The following ZDHHC21 variants were observed in gnomAD, a reference collection of about 807,000 sequenced individuals.
ZDHHC21 encodes the protein palmitoyltransferase ZDHHC21.
Under a neutral mutation model 34.6 loss-of-function variants are expected in ZDHHC21, and 15 were observed. The observed-to-expected ratio is 0.43, with a 90% CI of 0.29 to 0.67. ZDHHC21 has a LOEUF of 0.67. Among genes scored for constraint, ZDHHC21 ranks in the 30% least tolerant of loss-of-function variants. ZDHHC21 has a pLI of 0.14. For synonymous variants in ZDHHC21, 142 were observed against 101.8 expected (o/e 1.40, Z -2.38); for missense variants, 344 against 327.7 (o/e 1.05, Z -0.38).
intron 8 of ZDHHC21, among the ~76,000 whole-genome samples, chr9:14,634,776 A>C (rs1827977646): frequency 6.6e-6 from 1 of 152,232 alleles, no homozygotes; most frequent in African/African-American, 2.4e-5. Context: ...ACATAGGGAC[A>C]CAAGAAACAT....
chr9:14,624,631 C>T (rs1395075775), intron 8 of ZDHHC21, among the ~76,000 whole-genome samples: 1 of 151,932 alleles, frequency 6.6e-6, no homozygotes, highest in East Asian at 1.9e-4. Context: ...CAGTAGTTAG[C>T]AGAGACTGGG....
the ZDHHC21 span, among the ~76,000 whole-genome samples, chr9:14,602,488 T>C: frequency 6.6e-6 from 1 of 151,374 alleles, no homozygotes; most frequent in Non-Finnish European, 1.5e-5. Flanking sequence ...AGTGCAGTGA[T>C]TCCCAAGTAT....
chr9:14,665,897 C>T lies in ZDHHC21; in HGVS notation c.254-3571G>A, dbSNP rs1416397611. ...GGGTACCAGCCGCTGCAAAATCATG[C>T]CAAAATGTAAAGACCATCGAGACTA... is the stretch of plus-strand genomic sequence containing the variant. On this transcript the variant is annotated intron_variant, in intron 5 of 9. Coordinates refer to ENST00000380916, the MANE Select transcript of ZDHHC21 (RefSeq NM_178566.6). Among the ~76,000 whole-genome samples, 5 of 149,414 alleles carry T rather than the reference C, an allele frequency of 3.3e-5. No individual in the cohort carries two copies. In the East Asian group the frequency reaches 9.9e-4, roughly 29 times the overall value.
At chr9:14,596,283 C>G in the ZDHHC21 span, among the ~76,000 whole-genome samples, 2 of 152,206 alleles carry the variant, frequency 1.3e-5, no homozygotes, top group African/African-American at 2.4e-5. Flanking sequence ...TTCACCTCAT[C>G]CTTCAGTAGT....
chr9:14,673,459 G>A (rs1417153381), intron 4 of ZDHHC21, among the ~76,000 whole-genome samples: 1 of 151,340 alleles, frequency 6.6e-6, no homozygotes, highest in Non-Finnish European at 1.5e-5. Context: ...AATAGTAAGG[G>A]AAAACAGATT....
At position 14,612,843 on chromosome 9, in the gene ZDHHC21, T is replaced by TACACACACACACACAC. The variant is rs143588638; in HGVS notation, c.*6107_*6122dup. ...ATTATTCTTTAAAGCCACTAAAGAT[T>TACACACACACACACAC]ACACACACACACACACACACACACA... On this transcript the variant is annotated 3_prime_UTR_variant, in exon 10 of 10. Transcript: ENST00000380916. 2 of 143,248 alleles carry TACACACACACACACAC rather than the reference T, an allele frequency of 1.4e-5. No homozygotes were observed. The highest frequency in any genetic ancestry group is 5.2e-5 in the African/African-American group (2 of 38,676). 8.9% of individuals were successfully genotyped at this position (143,248 alleles called of 1,614,324 possible).
intron 7 of ZDHHC21, among the ~76,000 whole-genome samples, chr9:14,650,096 G>C (rs1225021125): frequency 1.3e-5 from 2 of 151,922 alleles, no homozygotes; most frequent in South Asian, 4.2e-4. Context: ...CAGTCAACCT[G>C]GTGTTGTAGG....
chr9:14,602,524 A>G, the ZDHHC21 span, among the ~76,000 whole-genome samples: 1 of 152,030 alleles, frequency 6.6e-6, no homozygotes, highest in Non-Finnish European at 1.5e-5. Flanking sequence ...GTCTTTTCCA[A>G]TGCACACACC....
At chr9:14,684,722 C>CA (rs200822346) in intron 2 of ZDHHC21, among the ~76,000 whole-genome samples, 25,184 of 151,860 alleles carry the variant, frequency 0.17, 2,480 homozygotes, top group East Asian at 0.35. Context: ...CATATGGAAC[C>CA]AAAAAAGAAC....
Position 14,638,055 on chromosome 9 carries a change from C to T in ZDHHC21, c.621+1841G>A, listed in dbSNP as rs562358968. Among the ~76,000 whole-genome samples the T allele has an allele frequency of 4.0e-5, 6 of 151,804 alleles. No individual in the cohort carries two copies. In the South Asian group the frequency reaches 6.2e-4, roughly 16 times the overall value. On this transcript the variant is annotated intron_variant, in intron 8 of 9. Transcript: ENST00000380916. ...AAAATTTGTAAGTCAAAAAAGGGCC[C>T]GAATAGTCAAAAAAATCCTAAGCAA...
rs1207318169 is a variant in ZDHHC21 at position 14,693,349 on chromosome 9, C to A, written c.-345G>T. On this transcript the variant is annotated 5_prime_UTR_variant, in exon 1 of 10. Coordinates refer to ENST00000380916, the MANE Select transcript of ZDHHC21 (RefSeq NM_178566.6). ...CCGCCGCCCAGGCCGGGCCGCTCTCCCCTTCCGCTTCCGGGAGCCTGAGGG... is the reference window on the plus strand; with the variant it reads ...CCGCCGCCCAGGCCGGGCCGCTCTCACCTTCCGCTTCCGGGAGCCTGAGGG... 4.9e-6 allele frequency: 2 copies of A among 409,128 alleles called. No homozygotes were observed. Among genetic ancestry groups the A allele is most frequent in the Non-Finnish European group, 9.6e-6 (2 of 208,014 alleles). The allele number at this position is 409,128 out of a possible 1,614,324, so 25.3% of individuals were successfully genotyped here.
At chr9:14,663,123 C>G (rs973054614) in intron 5 of ZDHHC21, among the ~76,000 whole-genome samples, 4 of 152,090 alleles carry the variant, frequency 2.6e-5, no homozygotes, top group African/African-American at 9.7e-5. Flanking sequence ...TAAAAACTGT[C>G]CTAATTAGGT....
intron 5 of ZDHHC21, among the ~76,000 whole-genome samples, chr9:14,668,659 G>C (rs1834923319): frequency 1.3e-5 from 2 of 150,482 alleles, no homozygotes; most frequent in South Asian, 4.2e-4. Context: ...CAGAGATATA[G>C]ACCAATGGAA....
At position 14,688,317 on chromosome 9, in the gene ZDHHC21, G is replaced by A. The variant is rs549381146; in HGVS notation, c.-176+2020C>T. 1.9e-4 allele frequency among the ~76,000 whole-genome samples: 29 copies of A among 150,964 alleles called. 3 individuals are homozygous for A. Among genetic ancestry groups the A allele is most frequent in the African/African-American group, 6.7e-4 (27 of 40,232 alleles). On this transcript the variant is annotated intron_variant, in intron 2 of 9. Transcript: ENST00000380916. Reference sequence around the variant, plus strand: ...GCCTCCAAAATGCTAACTTTACAGGGGAGCGAAGGAGAGAGCAGAGGAAGG... The same window carrying A: ...GCCTCCAAAATGCTAACTTTACAGGAGAGCGAAGGAGAGAGCAGAGGAAGG...
intron 7 of ZDHHC21, among the ~76,000 whole-genome samples, chr9:14,655,481 T>C (rs1204058687): frequency 6.6e-6 from 1 of 151,970 alleles, no homozygotes; most frequent in Non-Finnish European, 1.5e-5. Context: ...ATAATGTATA[T>C]GTAACAACAA....
chr9:14,656,683 G>A (rs10119411), intron 7 of ZDHHC21, among the ~76,000 whole-genome samples: 69,023 of 151,604 alleles, frequency 0.46, 16,055 homozygotes, highest in East Asian at 0.67. Context: ...CTAGACACAA[G>A]TAACTGTCAG....
chr9:14,600,667 C>CA, the ZDHHC21 span, among the ~76,000 whole-genome samples: 1,396 of 150,116 alleles, frequency 9.3e-3, 8 homozygotes, highest in African/African-American at 0.015. Flanking sequence ...TCACATGGAA[C>CA]AAAAAAAAAG....
In ZDHHC21 at chr9:14,681,360, C is replaced by T. The variant is rs78611815; in HGVS notation, c.-175-1198G>A. 2.6e-3 allele frequency among the ~76,000 whole-genome samples: 402 copies of T among 152,298 alleles called. 1 individual carries two copies. Among genetic ancestry groups the T allele is most frequent in the African/African-American group, 9.2e-3 (381 of 41,564 alleles). Reference sequence around the variant, plus strand: ...TCAGCCTCCTGAGTCACTGGCACTACAGCTGGGTACCACTGCAACCTATTT... The same window carrying T: ...TCAGCCTCCTGAGTCACTGGCACTATAGCTGGGTACCACTGCAACCTATTT... On this transcript the variant is annotated intron_variant, in intron 2 of 9. Transcript: ENST00000380916.
At chr9:14,648,272 G>C (rs1303548019) in intron 7 of ZDHHC21, among the ~76,000 whole-genome samples, 1 of 151,972 alleles carries the variant, frequency 6.6e-6, no homozygotes, top group Non-Finnish European at 1.5e-5. Flanking sequence ...CTAGTAGCTG[G>C]TCTTCTTGCT....
Sources: allele counts gnomAD v4.1 joint callset (sites outside exome capture counted in the v4.1 genomes callset), GRCh38; gene constraint gnomAD v4.1.1; transcripts MANE v1.5; gene names NCBI Gene and HGNC (gene_info 2026-07-23, HGNC 2026-07-21).